ASTN2: variants seen among roughly 807,000 people sequenced by gnomAD.
ASTN2 encodes astrotactin 2, also known as astrotactin-2.
ASTN2 carries 54 observed loss-of-function variants against 139.8 expected under a neutral mutation model. The observed-to-expected ratio is 0.39, with a 90% confidence interval of 0.31 to 0.48. The LOEUF is 0.48. Ranked by LOEUF, ASTN2 falls within the 20% of genes least tolerant of loss-of-function variation. The pLI is 0.95. For synonymous variants in ASTN2, 756 were observed against 719.5 expected, an observed-to-expected ratio of 1.05 and a Z score of -0.81; for missense variants, 1,565 against 1,725.1, an observed-to-expected ratio of 0.91 and a Z score of 1.64.
chr9:117,120,018 G>GTGTGTACATATATATATATATA (rs1306397698), intron 4 of ASTN2, among the ~76,000 whole-genome samples: 5 of 46,000 alleles, frequency 1.1e-4, no homozygotes, highest in Admixed American at 3.0e-4. Flanking sequence ...GTGTGTGTGT[G>GTGTGTACATATATATATATATA]TATATATATA....
intron 17 of ASTN2, among the ~76,000 whole-genome samples, chr9:116,621,512 T>C (rs1341156358): frequency 6.6e-6 from 1 of 152,072 alleles, no homozygotes; most frequent in Non-Finnish European, 1.5e-5. Flanking sequence ...TCCAATTTAC[T>C]CTTTGGGTCT....
At chr9:116,491,065 T>C (rs1296399113) in intron 19 of ASTN2, among the ~76,000 whole-genome samples, 5 of 152,232 alleles carry the variant, frequency 3.3e-5, no homozygotes, top group African/African-American at 4.8e-5. Context: ...TGAAAAATTC[T>C]AAGGTTTGCA....
intron 19 of ASTN2, chr9:116,611,021 A>T (rs1564152339): frequency 6.6e-6 from 1 of 152,186 alleles, no homozygotes; most frequent in African/African-American, 2.4e-5. Context: ...CACTGAATAC[A>T]GCAATAGACC....
chr9:116,970,058 G>A (rs1836143139), intron 10 of ASTN2, among the ~76,000 whole-genome samples: 1 of 152,174 alleles, frequency 6.6e-6, no homozygotes, highest in South Asian at 2.1e-4. Flanking sequence ...CCTCACTCCA[G>A]TCTCTAATTC....
intron 10 of ASTN2, among the ~76,000 whole-genome samples, chr9:116,897,160 C>T (rs1207416701): frequency 4.6e-5 from 7 of 152,154 alleles, no homozygotes; most frequent in Non-Finnish European, 8.8e-5. Flanking sequence ...TTAGGTGCAG[C>T]GCACTGAAGG....
rs1457118487 is a variant in ASTN2 at position 116,714,895 on chromosome 9, C to T, written c.2806+10876G>A. On this transcript the variant is annotated intron_variant, in intron 16 of 22. Coordinates refer to ENST00000313400, the MANE Select transcript of ASTN2 (RefSeq NM_001365068.1). ...GAGATCGAGACCATCCCGGCTAAAA[C>T]GGTGAAACCCCGTCTCTACTAAAAA... 1.5e-3 allele frequency among the ~76,000 whole-genome samples: 11 copies of T among 7,476 alleles called. 5 individuals carry two copies. The highest frequency in any genetic ancestry group is 2.6e-3 in the Non-Finnish European group (11 of 4,304). The allele number at this position is 7,476 out of a possible 152,430, so 4.9% of individuals were successfully genotyped here. A position where few individuals can be genotyped will look rare whatever the true frequency, so the allele number is the denominator to read the frequency against.
At chr9:117,409,182 C>A (rs1831091413) in intron 1 of ASTN2, among the ~76,000 whole-genome samples, 1 of 152,168 alleles carries the variant, frequency 6.6e-6, no homozygotes, top group African/African-American at 2.4e-5. Flanking sequence ...GAATCTTTCT[C>A]TCACACATAA....
chr9:116,431,827 C>T lies in ASTN2; in HGVS notation c.3783-5739G>A, dbSNP rs74877327. Among the ~76,000 whole-genome samples, 1,957 of 152,198 alleles carry T rather than the reference C, an allele frequency of 0.013. 181 individuals carry two copies. In the South Asian group the frequency reaches 0.21, roughly 16 times the overall value. On this transcript the variant is annotated intron_variant, in intron 22 of 22. Coordinates refer to ENST00000313400, the MANE Select transcript of ASTN2 (RefSeq NM_001365068.1). ...TGACCAGGGTGACAGGAGGATAGGG[C>T]GGGGTTTCAATCCTCTGCTGTAAGG...
At chr9:116,572,928 G>A (rs780235586) in intron 19 of ASTN2, among the ~76,000 whole-genome samples, 1 of 152,020 alleles carries the variant, frequency 6.6e-6, no homozygotes, top group Admixed American at 6.6e-5. Context: ...AATGCCCCAG[G>A]TGCGTGACTC....
intron 7 of ASTN2, among the ~76,000 whole-genome samples, chr9:116,990,827 G>A (rs944997586): frequency 6.6e-6 from 1 of 152,184 alleles, no homozygotes; most frequent in African/African-American, 2.4e-5. Context: ...TGTCTAAGCA[G>A]CCTGCATCAG....
At chr9:117,305,923 A>T (rs1046196117) in intron 1 of ASTN2, among the ~76,000 whole-genome samples, 1 of 152,164 alleles carries the variant, frequency 6.6e-6, no homozygotes, top group Non-Finnish European at 1.5e-5. Flanking sequence ...TGCTACTACT[A>T]TCTCCTCTGC....
intron 13 of ASTN2, among the ~76,000 whole-genome samples, chr9:116,800,899 C>G (rs1830828285): frequency 6.6e-6 from 1 of 152,188 alleles, no homozygotes; most frequent in African/African-American, 2.4e-5. Flanking sequence ...CTGGGTTGCT[C>G]TTTCAGAGAT....
At chr9:117,343,949 A>T (rs539739596) in intron 1 of ASTN2, among the ~76,000 whole-genome samples, 24 of 152,296 alleles carry the variant, frequency 1.6e-4, no homozygotes, top group Admixed American at 1.2e-3. Flanking sequence ...GTAGAGGGAG[A>T]GAAGAAGGAA....
chr9:117,066,165 C>A (rs1191543029), intron 5 of ASTN2, among the ~76,000 whole-genome samples: 1 of 101,882 alleles, frequency 9.8e-6, no homozygotes, highest in Non-Finnish European at 1.9e-5. Flanking sequence ...CTATCCCTCC[C>A]CCCTCCCCCC....
chr9:116,980,120 G>A (rs1268728659), intron 7 of ASTN2, among the ~76,000 whole-genome samples: 1 of 152,148 alleles, frequency 6.6e-6, no homozygotes, highest in African/African-American at 2.4e-5. Context: ...AGATGGACCC[G>A]GTCCCATCCT....
At chr9:117,389,603 T>A (rs550193975) in intron 1 of ASTN2, among the ~76,000 whole-genome samples, 4 of 152,292 alleles carry the variant, frequency 2.6e-5, no homozygotes, top group East Asian at 1.9e-4. Context: ...CTACTCAGAC[T>A]TGACACTATG....
intron 16 of ASTN2, among the ~76,000 whole-genome samples, chr9:116,675,885 G>A (rs937214818): frequency 6.6e-6 from 1 of 152,168 alleles, no homozygotes; most frequent in African/African-American, 2.4e-5. Flanking sequence ...AAAGACAACA[G>A]GGACCAACAG....
At chr9:116,679,611 G>T (rs1859716142) in intron 16 of ASTN2, among the ~76,000 whole-genome samples, 1 of 152,020 alleles carries the variant, frequency 6.6e-6, no homozygotes, top group Non-Finnish European at 1.5e-5. Flanking sequence ...TTCCAAAATT[G>T]ACCACATAGT....
intron 17 of ASTN2, among the ~76,000 whole-genome samples, chr9:116,643,224 T>A (rs1231410969): frequency 6.6e-6 from 1 of 152,176 alleles, no homozygotes; most frequent in East Asian, 1.9e-4. Flanking sequence ...GTTTTATTCT[T>A]CTATTCTTCT....
Sources: gnomAD v4.1 joint callset for allele counts (sites outside exome capture counted in the v4.1 genomes callset) on GRCh38, gnomAD v4.1.1 for gene constraint, MANE v1.5 for transcripts, NCBI Gene and HGNC (gene_info 2026-07-23, HGNC 2026-07-21) for gene names.